The following TRDN variants were observed in gnomAD, a reference collection of about 807,000 sequenced individuals.
TRDN encodes the protein triadin, also known as triadin in skeletal muscle.
A neutral mutation model predicts 149.7 loss-of-function variants in TRDN; 161 were observed. That is an observed-to-expected ratio of 1.08 (90% CI 0.95 to 1.23). The LOEUF is 1.23. Ranked by LOEUF, TRDN falls within the 50% of genes most tolerant of loss-of-function variation. The pLI, the probability that TRDN is intolerant of heterozygous loss-of-function variation, is 0.00. For missense variants in TRDN, 896 were observed against 823.5 expected, an observed-to-expected ratio of 1.09 and a Z score of -1.08; for synonymous variants, 294 against 250.5, an observed-to-expected ratio of 1.17 and a Z score of -1.64.
intron 38 of TRDN, among the ~76,000 whole-genome samples, chr6:123,224,973 A>G (rs1411680469): frequency 6.6e-6 from 1 of 151,776 alleles, no homozygotes; most frequent in Non-Finnish European, 1.5e-5. Flanking sequence ...CAAATTATGA[A>G]ATGGGAGAAA....
chr6:123,219,914 C>G (rs1775085682), intron 40 of TRDN, among the ~76,000 whole-genome samples: 1 of 151,826 alleles, frequency 6.6e-6, no homozygotes, highest in Non-Finnish European at 1.5e-5. Context: ...CAATGACAGG[C>G]TGCCTTCCAG....
intron 9 of TRDN, among the ~76,000 whole-genome samples, chr6:123,466,938 AG>A (rs1388821220): frequency 4.6e-5 from 7 of 152,082 alleles, no homozygotes; most frequent in African/African-American, 1.7e-4. Context: ...TGAGTTATTG[AG>A]GAACTTATTA....
intron 7 of TRDN, among the ~76,000 whole-genome samples, chr6:123,506,927 C>T (rs1483223314): frequency 6.6e-6 from 1 of 152,040 alleles, no homozygotes; most frequent in African/African-American, 2.4e-5. Context: ...GTCTTCCCTA[C>T]CAGACAGACA....
intron 9 of TRDN, among the ~76,000 whole-genome samples, chr6:123,485,845 T>C (rs939098747): frequency 1.3e-5 from 2 of 152,160 alleles, no homozygotes; most frequent in African/African-American, 4.8e-5. Flanking sequence ...TTTATGACAC[T>C]AATTATTCTA....
Position 123,265,324 on chromosome 6 carries a change from T to C in TRDN, c.1798A>G (p.Thr600Ala), listed in dbSNP as rs1368817235. The change falls in exon 33 of 41, where the codon ACT becomes GCT. Residue 600 changes from threonine to alanine, a missense_variant. Physicochemically the swap from Thr to Ala is moderately conservative, Grantham distance 58. Transcript: ENST00000334268. ...PSIKTDKPKP[T>A]PKGTSEVTES... ...TCTAAAATGGTACACTTACTTGGAG[T>C]TGGTTTTGGTTTGTCTAAAAAGGAA... The C allele has an allele frequency of 1.4e-6, 2 of 1,425,206 alleles. No individual in the cohort carries two copies. Among genetic ancestry groups the C allele is most frequent in the African/African-American group, 1.5e-5 (1 of 67,752 alleles). 88.3% of individuals were successfully genotyped at this position (1,425,206 alleles called of 1,614,324 possible).
At chr6:123,501,493 C>T (rs1356783103) in intron 8 of TRDN, among the ~76,000 whole-genome samples, 1 of 151,526 alleles carries the variant, frequency 6.6e-6, no homozygotes, top group African/African-American at 2.4e-5. Flanking sequence ...ATATCTTTAT[C>T]TTGCTTAGCT....
intron 9 of TRDN, among the ~76,000 whole-genome samples, chr6:123,490,370 C>T (rs890841865): frequency 2.2e-4 from 34 of 152,128 alleles, no homozygotes; most frequent in African/African-American, 7.7e-4. Context: ...ATACATCGGA[C>T]AAAGGGATGA....
chr6:123,490,456 T>G (rs1384680902), intron 9 of TRDN, among the ~76,000 whole-genome samples: 1 of 152,154 alleles, frequency 6.6e-6, no homozygotes, highest in Admixed American at 6.5e-5. Flanking sequence ...AACTTGTGAG[T>G]TGTTTATTTC....
rs897492914 is a variant in TRDN at position 123,273,003 on chromosome 6, T to C, written c.1633A>G (p.Ile545Val). 1 of 1,511,426 alleles carries C rather than the reference T, an allele frequency of 6.6e-7. No individual in the cohort carries two copies. 93.6% of individuals were successfully genotyped at this position (1,511,426 alleles called of 1,614,324 possible). A position where few individuals can be genotyped will look rare whatever the true frequency, so the allele number is the denominator to read the frequency against. The part of the protein sequence containing the change: ...SEKVQIHKQD[I>V]VKPEKTVSHG... ...GAAACAGTCTTTTCTGGTTTCACTA[T>C]GTCTTGTTCTGAAAATAATAAAAAG... Residue 545 changes from isoleucine to valine, a missense_variant, in exon 29 of 41, where the codon ATA (isoleucine) becomes GTA (valine). Transcript: ENST00000334268.
At chr6:123,631,399 A>G (rs73540846) in intron 1 of TRDN, among the ~76,000 whole-genome samples, 19,058 of 151,858 alleles carry the variant, frequency 0.13, 2,400 homozygotes, top group African/African-American at 0.33. Context: ...AAAACAAACT[A>G]TTTCTAATTA....
At chr6:123,588,603 G>C (rs191025866) in intron 1 of TRDN, among the ~76,000 whole-genome samples, 11 of 152,280 alleles carry the variant, frequency 7.2e-5, no homozygotes, top group African/African-American at 2.6e-4. Context: ...ATCTCAGTCT[G>C]CTTGGGCTGC....
intron 3 of TRDN, 26 bp downstream of exon 3, chr6:123,548,428 T>C: frequency 6.8e-7 from 1 of 1,460,930 alleles, no homozygotes; most frequent in Non-Finnish European, 9.1e-7. Flanking sequence ...TCCTAGCAGT[T>C]AGATATATCT....
intron 39 of TRDN, among the ~76,000 whole-genome samples, chr6:123,222,183 A>T (rs1394713405): frequency 6.6e-6 from 1 of 151,412 alleles, no homozygotes; most frequent in Non-Finnish European, 1.5e-5. Context: ...AATAATTAGA[A>T]GTTGTGAGAG....
chr6:123,602,603 G>A (rs1784329860), intron 1 of TRDN, among the ~76,000 whole-genome samples: 1 of 151,992 alleles, frequency 6.6e-6, no homozygotes, highest in Non-Finnish European at 1.5e-5. Flanking sequence ...TGAGTTTGAA[G>A]AGCAAAGAGG....
At position 123,377,627 on chromosome 6, in the gene TRDN, T is replaced by C. The variant is rs1469813720; in HGVS notation, c.1246+89A>G. 2.7e-6 allele frequency: 4 copies of C among 1,473,256 alleles called. No homozygotes were observed. In the East Asian group the frequency reaches 9.1e-5, roughly 34 times the overall value. The allele number at this position is 1,473,256 out of a possible 1,614,324, so 91.3% of individuals were successfully genotyped here. On this transcript the variant is annotated intron_variant, in intron 18 of 40. Transcript: ENST00000334268. ...GATGGAAGCATTCCCCACCCTTTAC[T>C]GGCGCTGCCTTACCACCTGTTTGAG...
At chr6:123,440,856 T>G (rs572322843) in intron 10 of TRDN, 1 of 152,294 alleles carries the variant, frequency 6.6e-6, no homozygotes, top group African/African-American at 2.4e-5. Flanking sequence ...CCCTTCAAAT[T>G]AATATAGCTG....
chr6:123,528,882 G>T, intron 5 of TRDN: 1 of 1,031,382 alleles, frequency 9.7e-7, no homozygotes, highest in Non-Finnish European at 1.2e-6. Context: ...ACTTTCTTAA[G>T]AAATAGTTAC....
At chr6:123,557,729 T>C (rs1369058544) in intron 2 of TRDN, among the ~76,000 whole-genome samples, 1 of 151,934 alleles carries the variant, frequency 6.6e-6, no homozygotes, top group Non-Finnish European at 1.5e-5. Context: ...AAGCACCGCT[T>C]TTCTGGGGGG....
At chr6:123,572,318 C>T (rs1455079600) in intron 1 of TRDN, among the ~76,000 whole-genome samples, 1 of 151,920 alleles carries the variant, frequency 6.6e-6, no homozygotes, top group Middle Eastern at 3.2e-3. Context: ...AACACTTTAA[C>T]CTTTATGTTG....
Sources: gnomAD v4.1 joint callset for allele counts (sites outside exome capture counted in the v4.1 genomes callset) on GRCh38, gnomAD v4.1.1 for gene constraint, MANE v1.5 for transcripts, NCBI Gene and HGNC (gene_info 2026-07-23, HGNC 2026-07-21) for gene names.